Variants in SAMMSON observed in about 807,000 individuals in gnomAD.
SAMMSON encodes the protein survival associated mitochondrial melanoma specific oncogenic non-coding RNA.
At chr3:70,026,532 T>C (rs1457047260) in intron 3 of SAMMSON, among the ~76,000 whole-genome samples, 1 of 152,172 alleles carries the variant, frequency 6.6e-6, no homozygotes, top group South Asian at 2.1e-4. Context: ...ATTGAAGACA[T>C]ATCAAGTCCC....
At chr3:70,246,121 T>C (rs969691606) in intron 4 of SAMMSON, among the ~76,000 whole-genome samples, 1 of 151,994 alleles carries the variant, frequency 6.6e-6, no homozygotes, top group East Asian at 1.9e-4. Context: ...CACAGATATA[T>C]GCAGATGCTT....
At chr3:70,223,812 T>C (rs1352162265) in intron 4 of SAMMSON, among the ~76,000 whole-genome samples, 1 of 152,142 alleles carries the variant, frequency 6.6e-6, no homozygotes, top group Non-Finnish European at 1.5e-5. Flanking sequence ...TTTAATGGTT[T>C]TTCTCAGAGG....
intron 9 of SAMMSON, among the ~76,000 whole-genome samples, chr3:70,388,328 T>C (rs1701000815): frequency 6.6e-6 from 1 of 152,188 alleles, no homozygotes; most frequent in Non-Finnish European, 1.5e-5. Context: ...GATTTTCACA[T>C]AGATCATTTG....
chr3:70,080,308 A>G (rs729038), intron 4 of SAMMSON, among the ~76,000 whole-genome samples: 11,392 of 152,256 alleles, frequency 0.075, 531 homozygotes, highest in East Asian at 0.12. Flanking sequence ...TTGCCCAGAT[A>G]AATCACATGC....
In SAMMSON at chr3:70,345,867, C is replaced by T. The variant is rs148402441; in HGVS notation, n.740-8308C>T. Among the ~76,000 whole-genome samples, 3 of 152,096 alleles carry T rather than the reference C, an allele frequency of 2.0e-5. 1 individual carries two copies. The highest frequency in any genetic ancestry group is 7.2e-5 in the African/African-American group (3 of 41,498). ...ATAATATTCCATTATATGCTTGTAC[C>T]ACAGTTTGATTATACATTCATCTAT... On this transcript the variant is annotated intron_variant and non_coding_transcript_variant, in intron 7 of 9. Transcript: ENST00000642114.
At chr3:70,399,562 T>C (rs1701121923) in intron 2 of SAMMSON, among the ~76,000 whole-genome samples, 1 of 151,944 alleles carries the variant, frequency 6.6e-6, no homozygotes, top group Admixed American at 6.6e-5. Context: ...CATAAAATGA[T>C]TACATAAAAA....
chr3:70,111,909 A>C (rs1019434149), intron 4 of SAMMSON, among the ~76,000 whole-genome samples: 2 of 152,142 alleles, frequency 1.3e-5, no homozygotes, highest in Non-Finnish European at 2.9e-5. Flanking sequence ...GCCCAGAGTC[A>C]TAGAGAATTG....
intron 8 of SAMMSON, chr3:70,354,401 A>T (rs1702814611): frequency 6.6e-6 from 1 of 152,236 alleles, no homozygotes; most frequent in Non-Finnish European, 1.5e-5. Flanking sequence ...TAAAATGAAT[A>T]CTGACTGAAG....
chr3:70,268,934 C>A (rs1701949559), intron 6 of SAMMSON, among the ~76,000 whole-genome samples: 2 of 151,986 alleles, frequency 1.3e-5, no homozygotes, highest in South Asian at 4.1e-4. Context: ...ACAATGGAAG[C>A]AATTAAAATT....
intron 4 of SAMMSON, among the ~76,000 whole-genome samples, chr3:70,196,256 T>C (rs1701178517): frequency 6.6e-6 from 1 of 152,168 alleles, no homozygotes; most frequent in African/African-American, 2.4e-5. Context: ...GTCATAGACA[T>C]ACAATAATAT....
At chr3:70,337,228 T>C (rs1167959203) in intron 7 of SAMMSON, among the ~76,000 whole-genome samples, 1 of 148,908 alleles carries the variant, frequency 6.7e-6, no homozygotes, top group Non-Finnish European at 1.5e-5. Flanking sequence ...ATATCTAACT[T>C]AATATCTAAC....
At chr3:70,290,668 G>C (rs984264075) in intron 6 of SAMMSON, among the ~76,000 whole-genome samples, 10 of 152,134 alleles carry the variant, frequency 6.6e-5, no homozygotes, top group Non-Finnish European at 1.5e-4. Context: ...CCTCGCTGCC[G>C]CCTTGCAGTT....
intron 3 of SAMMSON, among the ~76,000 whole-genome samples, chr3:70,042,940 G>A (rs1398637910): frequency 6.6e-6 from 1 of 152,072 alleles, no homozygotes; most frequent in Non-Finnish European, 1.5e-5. Flanking sequence ...CTTTGCCAGT[G>A]AATATAAACT....
intron 7 of SAMMSON, among the ~76,000 whole-genome samples, chr3:70,339,255 G>T (rs1339479413): frequency 6.6e-6 from 1 of 152,108 alleles, no homozygotes; most frequent in Non-Finnish European, 1.5e-5. Context: ...ATTAATTCAA[G>T]ATGGATTAAA....
chr3:70,169,147 G>GA (rs760237083), intron 4 of SAMMSON, among the ~76,000 whole-genome samples: 3 of 151,862 alleles, frequency 2.0e-5, no homozygotes, highest in African/African-American at 4.8e-5. Context: ...AGATCTGGGA[G>GA]AAAAAAAGAT....
chr3:70,015,688 A>G (rs1039369358), intron 3 of SAMMSON, among the ~76,000 whole-genome samples: 4 of 143,992 alleles, frequency 2.8e-5, no homozygotes, highest in Non-Finnish European at 4.4e-5. Flanking sequence ...TACTTTAGGT[A>G]TATCTCCTAA....
chr3:70,141,302 G>A (rs1212290072), intron 4 of SAMMSON, among the ~76,000 whole-genome samples: 1 of 152,226 alleles, frequency 6.6e-6, no homozygotes, highest in East Asian at 1.9e-4. Context: ...GAAGTCAATG[G>A]TGTAAGTCCC....
chr3:70,033,399 TG>T (rs1170908043), intron 3 of SAMMSON, among the ~76,000 whole-genome samples: 2 of 151,924 alleles, frequency 1.3e-5, no homozygotes, highest in Non-Finnish European at 2.9e-5. Flanking sequence ...ATGGTGTATG[TG>T]GGCAGAAGGG....
chr3:70,243,833 G>C (rs1701681727), intron 4 of SAMMSON, among the ~76,000 whole-genome samples: 1 of 152,190 alleles, frequency 6.6e-6, no homozygotes, highest in African/African-American at 2.4e-5. Flanking sequence ...TTCTGAGAGA[G>C]CTTTGTGTCT....
Sources: allele counts gnomAD v4.1 joint callset (sites outside exome capture counted in the v4.1 genomes callset), GRCh38; gene constraint gnomAD v4.1.1; transcripts MANE v1.5; gene names NCBI Gene and HGNC (gene_info 2026-07-23, HGNC 2026-07-21).